Variants in RASGRF2 observed in about 807,000 individuals in gnomAD.
The protein encoded by RASGRF2 is ras-specific guanine nucleotide-releasing factor 2.
A neutral mutation model predicts 151.0 loss-of-function variants in RASGRF2; 76 were observed. That is an observed-to-expected ratio of 0.50 (90% CI 0.42 to 0.61). The LOEUF (loss-of-function observed/expected upper bound fraction) is 0.61, where lower values mean the gene tolerates loss of function less well. Ranked by LOEUF, RASGRF2 falls within the 20% of genes least tolerant of loss-of-function variation. RASGRF2 has a pLI of 0.00. For synonymous variants in RASGRF2, 504 were observed against 566.5 expected (o/e 0.89, Z 1.57); for missense variants, 1,148 against 1,564.6 (o/e 0.73, Z 4.49).
At chr5:81,176,298 C>T (rs941540079) in intron 17 of RASGRF2, among the ~76,000 whole-genome samples, 9 of 152,170 alleles carry the variant, frequency 5.9e-5, no homozygotes, top group African/African-American at 2.2e-4. Flanking sequence ...AAGCCATTCT[C>T]TCCTAAAATC....
intron 12 of RASGRF2, among the ~76,000 whole-genome samples, chr5:81,100,971 C>G (rs1010967263): frequency 3.9e-5 from 6 of 152,164 alleles, no homozygotes; most frequent in African/African-American, 1.4e-4. Context: ...CTGAAAAACT[C>G]TTGGTGGAGA....
intron 1 of RASGRF2, among the ~76,000 whole-genome samples, chr5:81,042,141 TGA>T (rs1750696174): frequency 6.6e-6 from 1 of 152,210 alleles, no homozygotes; most frequent in Non-Finnish European, 1.5e-5. Flanking sequence ...AAGGCTTATA[TGA>T]GAGAAATTAT....
intron 1 of RASGRF2, among the ~76,000 whole-genome samples, chr5:80,981,547 GTA>G (rs911466069): frequency 7.9e-5 from 12 of 152,196 alleles, no homozygotes; most frequent in African/African-American, 2.9e-4. Flanking sequence ...GTTTGTGTGT[GTA>G]TGTTTGTAGC....
chr5:81,164,276 C>G (rs879456715), intron 17 of RASGRF2, among the ~76,000 whole-genome samples: 11 of 152,130 alleles, frequency 7.2e-5, no homozygotes, highest in Non-Finnish European at 1.3e-4. Context: ...TTCTTCAAGA[C>G]TGGGCATTTT....
intron 1 of RASGRF2, among the ~76,000 whole-genome samples, chr5:81,040,804 C>T (rs185411793): frequency 1.4e-3 from 206 of 152,264 alleles, no homozygotes; most frequent in African/African-American, 4.8e-3. Flanking sequence ...TGGTTTACTG[C>T]TTTGCCATAC....
chr5:81,119,194 G>A (rs564316125), intron 15 of RASGRF2, among the ~76,000 whole-genome samples: 15 of 152,256 alleles, frequency 9.9e-5, no homozygotes, highest in South Asian at 6.2e-4. Context: ...TCAGGTATTC[G>A]TTATAGCAGT....
At chr5:81,200,272 T>TAAAA (rs559961232) in intron 18 of RASGRF2, among the ~76,000 whole-genome samples, 4 of 138,304 alleles carry the variant, frequency 2.9e-5, no homozygotes, top group African/African-American at 1.1e-4. Flanking sequence ...CCCTGTGATT[T>TAAAA]AAAAAAAAAA....
At chr5:81,049,948 TAAGCAAGACA>T (rs1561577675) in intron 2 of RASGRF2, among the ~76,000 whole-genome samples, 1 of 152,230 alleles carries the variant, frequency 6.6e-6, no homozygotes, top group Non-Finnish European at 1.5e-5. Context: ...TACTTGATAC[TAAGCAAGACA>T]AACCCAAACT....
At chr5:81,103,248 T>C (rs770186235) in intron 12 of RASGRF2, among the ~76,000 whole-genome samples, 11 of 151,998 alleles carry the variant, frequency 7.2e-5, no homozygotes, top group Non-Finnish European at 1.5e-4. Flanking sequence ...AAGAGCCAGG[T>C]TATATATATA....
intron 17 of RASGRF2, among the ~76,000 whole-genome samples, chr5:81,138,862 T>C (rs1332972747): frequency 3.3e-5 from 5 of 152,184 alleles, no homozygotes; most frequent in Non-Finnish European, 7.3e-5. Flanking sequence ...GGCTATTTCA[T>C]TCCTCTTGTA....
At chr5:80,968,026 G>A (rs763007299) in intron 1 of RASGRF2, among the ~76,000 whole-genome samples, 4 of 152,210 alleles carry the variant, frequency 2.6e-5, no homozygotes, top group Middle Eastern at 3.2e-3. Flanking sequence ...CTCTTTCTAA[G>A]CCTGGCTCCC....
chr5:80,999,499 T>A (rs572178458), intron 1 of RASGRF2, among the ~76,000 whole-genome samples: 1 of 152,182 alleles, frequency 6.6e-6, no homozygotes, highest in East Asian at 1.9e-4. Flanking sequence ...CGTGCCACCA[T>A]GCCTGGAATA....
At chr5:81,060,282 C>T (rs1037705476) in intron 2 of RASGRF2, among the ~76,000 whole-genome samples, 4 of 152,278 alleles carry the variant, frequency 2.6e-5, no homozygotes, top group African/African-American at 7.2e-5. Flanking sequence ...TTTGTCATTC[C>T]CTAGACAGGC....
Position 81,203,613 on chromosome 5 carries a change from G to C in RASGRF2, c.2906+2171G>C, listed in dbSNP as rs184429316. Among the ~76,000 whole-genome samples the C allele has an allele frequency of 3.3e-5, 5 of 152,292 alleles. No individual in the cohort carries two copies. The East Asian group carries it at 9.6e-4, about 29-fold the overall frequency. On this transcript the variant is annotated intron_variant, in intron 19 of 26. Coordinates refer to ENST00000265080, the MANE Select transcript of RASGRF2 (RefSeq NM_006909.3). ...CAGTAGAGCTTGAAACTACAACACT[G>C]AGCAGAGTCTGATTCTACCTTTTGC...
chr5:81,190,739 C>T (rs1755137715), intron 18 of RASGRF2, among the ~76,000 whole-genome samples: 1 of 152,130 alleles, frequency 6.6e-6, no homozygotes, highest in Non-Finnish European at 1.5e-5. Flanking sequence ...TTAAACTCTC[C>T]TTACAGTGAG....
intron 17 of RASGRF2, among the ~76,000 whole-genome samples, chr5:81,132,177 C>G (rs1753639827): frequency 3.3e-5 from 5 of 152,094 alleles, no homozygotes; most frequent in Admixed American, 3.3e-4. Context: ...AGATTTTTAT[C>G]TATTTTATAT....
At chr5:81,136,725 C>G (rs1403246417) in intron 17 of RASGRF2, among the ~76,000 whole-genome samples, 2 of 152,124 alleles carry the variant, frequency 1.3e-5, no homozygotes, top group Non-Finnish European at 2.9e-5. Context: ...TTCTTCAGTA[C>G]TCCAATTACT....
chr5:81,026,437 T>A (rs1580220439), intron 1 of RASGRF2, among the ~76,000 whole-genome samples: 1 of 152,118 alleles, frequency 6.6e-6, no homozygotes, highest in African/African-American at 2.4e-5. Context: ...CTCCCCTCAG[T>A]CCTGTCTGGG....
chr5:81,108,877 TGTGTA>T, intron 12 of RASGRF2, 114 bp from the exon 13 acceptor site: 106 of 902,496 alleles, frequency 1.2e-4, no homozygotes, highest in Non-Finnish European at 1.4e-4. Context: ...TGTGTGTGTG[TGTGTA>T]AGAGACAGGG....
Sources: gnomAD v4.1 joint callset for allele counts (sites outside exome capture counted in the v4.1 genomes callset) on GRCh38, gnomAD v4.1.1 for gene constraint, MANE v1.5 for transcripts, NCBI Gene and HGNC (gene_info 2026-07-23, HGNC 2026-07-21) for gene names.